The following SMYD3 variants were observed in gnomAD, a reference collection of about 807,000 sequenced individuals.
SMYD3 encodes histone-lysine N-methyltransferase SMYD3.
SMYD3 carries 36 observed loss-of-function variants against 57.7 expected under a neutral mutation model. That is an observed-to-expected ratio of 0.62 (90% confidence interval 0.48 to 0.82). SMYD3 has a LOEUF of 0.82. Ranked by LOEUF, SMYD3 falls within the 40% of genes least tolerant of loss-of-function variation. The probability of loss-of-function intolerance (pLI) is 0.00; values close to 1 mark genes in which losing one functional copy is unlikely to be tolerated. For synonymous variants in SMYD3, 211 were observed against 195.0 expected (o/e 1.08, Z -0.68); for missense variants, 515 against 538.8 (o/e 0.96, Z 0.44).
chr1:246,382,407 C>A (rs1003574229), intron 1 of SMYD3, among the ~76,000 whole-genome samples: 1 of 151,990 alleles, frequency 6.6e-6, no homozygotes, highest in Admixed American at 6.6e-5. Flanking sequence ...AAACCCAGGA[C>A]CCATGCCCAC....
At chr1:246,091,002 G>A (rs35115321) in intron 5 of SMYD3, among the ~76,000 whole-genome samples, 68,750 of 151,958 alleles carry the variant, frequency 0.45, 18,445 homozygotes, top group Non-Finnish European at 0.61. Flanking sequence ...GCAGAGGAAC[G>A]GACTCCAACT....
intron 10 of SMYD3, among the ~76,000 whole-genome samples, chr1:245,818,397 C>G (rs2048972529): frequency 6.6e-6 from 1 of 152,134 alleles, no homozygotes; most frequent in South Asian, 2.1e-4. Flanking sequence ...GAAGGAAGCG[C>G]TAAACATCGA....
intron 10 of SMYD3, among the ~76,000 whole-genome samples, chr1:245,850,761 T>G (rs935053105): frequency 6.6e-6 from 1 of 152,076 alleles, no homozygotes; most frequent in Non-Finnish European, 1.5e-5. Context: ...AACAAAGCCA[T>G]GTCAAATGAT....
intron 1 of SMYD3, among the ~76,000 whole-genome samples, chr1:246,397,150 G>A (rs1480359102): frequency 6.6e-6 from 1 of 152,220 alleles, no homozygotes; most frequent in Non-Finnish European, 1.5e-5. Context: ...TAGCGGGCAA[G>A]CAGGCATTAC....
At chr1:245,833,246 G>A (rs2049949114) in intron 10 of SMYD3, among the ~76,000 whole-genome samples, 1 of 152,100 alleles carries the variant, frequency 6.6e-6, no homozygotes, top group Non-Finnish European at 1.5e-5. Context: ...AAACTAAGAA[G>A]CAAATGTTGG....
intron 7 of SMYD3, among the ~76,000 whole-genome samples, chr1:245,916,167 G>GT (rs1239336691): frequency 7.0e-6 from 1 of 141,968 alleles, no homozygotes; most frequent in Non-Finnish European, 1.6e-5. Flanking sequence ...GGAAAAAAAA[G>GT]GGGGGGTAGA....
intron 11 of SMYD3, among the ~76,000 whole-genome samples, chr1:245,751,770 G>A (rs2045389955): frequency 6.6e-6 from 1 of 152,198 alleles, no homozygotes; most frequent in Non-Finnish European, 1.5e-5. Context: ...AAGGTGGCTG[G>A]AGCTGAGATG....
At chr1:245,853,511 G>A (rs141147495) in intron 10 of SMYD3, among the ~76,000 whole-genome samples, 3 of 152,318 alleles carry the variant, frequency 2.0e-5, no homozygotes, top group East Asian at 3.9e-4. Context: ...CGCTGGGCGC[G>A]TGGCTGCACC....
At chr1:246,446,818 G>A (rs772619204) in intron 1 of SMYD3, among the ~76,000 whole-genome samples, 24 of 151,536 alleles carry the variant, frequency 1.6e-4, no homozygotes, top group Non-Finnish European at 3.2e-4. Context: ...TCACAAGGTC[G>A]GGAGATCGAC....
intron 10 of SMYD3, among the ~76,000 whole-genome samples, chr1:245,809,246 A>G (rs1188959264): frequency 6.6e-6 from 1 of 152,204 alleles, no homozygotes; most frequent in Non-Finnish European, 1.5e-5. Context: ...AAGAGAAGAA[A>G]AAACCTGCAG....
rs192803021 is a variant in SMYD3 at position 245,794,259 on chromosome 1, T to C, written c.1077-30110A>G. Reference sequence around the variant, plus strand: ...GGGTTTACTTTTCTTGTAATACACATTCTTTTTAAAAAATTATTTTAACAA... The same window carrying C: ...GGGTTTACTTTTCTTGTAATACACACTCTTTTTAAAAAATTATTTTAACAA... On this transcript the variant is annotated intron_variant, in intron 10 of 11. Transcript: ENST00000490107. Among the ~76,000 whole-genome samples the C allele has an allele frequency of 1.2e-4, 19 of 152,384 alleles. No homozygotes were observed. In the East Asian group the frequency reaches 3.7e-3, roughly 29 times the overall value.
chr1:246,269,437 C>T (rs1000681825), intron 5 of SMYD3, among the ~76,000 whole-genome samples: 7 of 152,032 alleles, frequency 4.6e-5, no homozygotes, highest in African/African-American at 1.7e-4. Flanking sequence ...CGATTAGAAT[C>T]CTTATCTGTC....
At chr1:245,847,985 A>G (rs762389274) in intron 10 of SMYD3, among the ~76,000 whole-genome samples, 20 of 152,156 alleles carry the variant, frequency 1.3e-4, no homozygotes, top group Non-Finnish European at 2.5e-4. Context: ...TGAACCACAA[A>G]CAATTAAATG....
chr1:246,301,675 T>C (rs1177183789), intron 5 of SMYD3, among the ~76,000 whole-genome samples: 2 of 152,172 alleles, frequency 1.3e-5, no homozygotes, highest in Non-Finnish European at 2.9e-5. Context: ...ACAATCCAGC[T>C]GGGGAGCAAA....
chr1:246,197,222 C>T (rs2062840814), intron 5 of SMYD3, among the ~76,000 whole-genome samples: 1 of 152,166 alleles, frequency 6.6e-6, no homozygotes, highest in Non-Finnish European at 1.5e-5. Context: ...TTAAATACTC[C>T]TCCTTCAAGG....
intron 5 of SMYD3, among the ~76,000 whole-genome samples, chr1:246,194,741 T>C (rs925789188): frequency 2.6e-5 from 4 of 152,196 alleles, no homozygotes; most frequent in Non-Finnish European, 5.9e-5. Flanking sequence ...GCATTTCAAG[T>C]GTTTGATACA....
At chr1:245,911,405 A>G (rs1313376113) in intron 8 of SMYD3, among the ~76,000 whole-genome samples, 1 of 151,988 alleles carries the variant, frequency 6.6e-6, no homozygotes, top group African/African-American at 2.4e-5. Flanking sequence ...TCAAAGAGAG[A>G]TCTGCACTCC....
intron 5 of SMYD3, among the ~76,000 whole-genome samples, chr1:246,124,704 C>T (rs2061478253): frequency 2.0e-5 from 3 of 152,108 alleles, no homozygotes; most frequent in African/African-American, 7.2e-5. Context: ...TAATTTAAGA[C>T]AGAAAATAAC....
chr1:245,909,888 C>A (rs2054844798), intron 8 of SMYD3, among the ~76,000 whole-genome samples: 1 of 152,128 alleles, frequency 6.6e-6, no homozygotes, highest in Non-Finnish European at 1.5e-5. Context: ...AAAGCCCCTC[C>A]TTTACCACGT....
Sources: gnomAD v4.1 joint callset for allele counts (sites outside exome capture counted in the v4.1 genomes callset) on GRCh38, gnomAD v4.1.1 for gene constraint, MANE v1.5 for transcripts, NCBI Gene and HGNC (gene_info 2026-07-23, HGNC 2026-07-21) for gene names.